Variants in MARCHF7 observed in about 807,000 individuals in gnomAD.
The protein encoded by MARCHF7 is E3 ubiquitin-protein ligase MARCHF7.
In MARCHF7, 20 loss-of-function variants were observed where a neutral mutation model predicts 76.5. The ratio of observed to expected loss-of-function variants is 0.26; its 90% CI spans 0.18 to 0.38. MARCHF7 has a LOEUF of 0.38. Among genes scored for constraint, MARCHF7 ranks in the 10% least tolerant of loss-of-function variants. The pLI, the probability that MARCHF7 is intolerant of heterozygous loss-of-function variation, is 1.00. For missense variants in MARCHF7, 797 were observed against 812.9 expected (o/e 0.98, Z 0.24); for synonymous variants, 295 against 293.0 (o/e 1.01, Z -0.07).
At chr2:159,738,324 G>A (rs1161327374) in intron 4 of MARCHF7, among the ~76,000 whole-genome samples, 1 of 152,188 alleles carries the variant, frequency 6.6e-6, no homozygotes, top group Non-Finnish European at 1.5e-5. Flanking sequence ...TCCCCAAAGG[G>A]TCAGAGCTCT....
intron 8 of MARCHF7, among the ~76,000 whole-genome samples, chr2:159,758,120 GTTGAA>G (rs908762948): frequency 1.3e-5 from 2 of 152,126 alleles, no homozygotes; most frequent in African/African-American, 4.8e-5. Context: ...ACAAATGTTA[GTTGAA>G]TTGAATTTAA....
rs773394385 is a variant in MARCHF7, at chr2:159,745,927, A to G, written c.504A>G (p.Thr168=). 3.6e-5 allele frequency: 58 copies of G among 1,608,470 alleles called. No homozygotes were observed. The highest frequency in any genetic ancestry group is 4.6e-5 in the Non-Finnish European group (54 of 1,177,622). ...MDYSHRSGDF[T]TSSYVQDRVP... is the part of the protein sequence containing the mutation. ...ATAGTCACCGAAGTGGTGATTTCAC[A>G]ACTTCATCATGTATGTATAAATTAC... Residue 168 remains threonine (T), a synonymous_variant, in exon 6 of 12, where the codon ACA becomes ACG. Coordinates refer to ENST00000409175, the MANE Select transcript of MARCHF7 (RefSeq NM_001282805.2).
intron 8 of MARCHF7, among the ~76,000 whole-genome samples, chr2:159,754,130 A>G (rs1560022359): frequency 6.6e-6 from 1 of 152,228 alleles, no homozygotes; most frequent in Non-Finnish European, 1.5e-5. Context: ...ACACGAGAGT[A>G]ATAATGTTTG....
At chr2:159,718,293 G>A (rs912488319) in intron 3 of MARCHF7, among the ~76,000 whole-genome samples, 17 of 152,100 alleles carry the variant, frequency 1.1e-4, no homozygotes, top group African/African-American at 4.1e-4. Context: ...TTCCTGCCTA[G>A]CCTAGCCTCA....
intron 1 of MARCHF7, among the ~76,000 whole-genome samples, chr2:159,712,966 C>T (rs578119577): frequency 6.6e-6 from 1 of 152,220 alleles, no homozygotes; most frequent in Non-Finnish European, 1.5e-5. Flanking sequence ...CGCGGGGCGG[C>T]CTCCTCTTGG....
At chr2:159,754,726 A>G (rs184043255) in intron 8 of MARCHF7, among the ~76,000 whole-genome samples, 15 of 152,242 alleles carry the variant, frequency 9.9e-5, no homozygotes, top group Admixed American at 7.8e-4. Flanking sequence ...GAGAAAGGAT[A>G]TTTCCTCTTC....
At chr2:159,748,954 CTCT>C (rs773993783) in intron 7 of MARCHF7, 51 bp downstream of exon 7, 18 of 1,316,366 alleles carry the variant, frequency 1.4e-5, no homozygotes, top group Admixed American at 1.3e-4. Flanking sequence ...AGAGAAAGAA[CTCT>C]TCATTTCTTT....
At chr2:159,755,383 C>T (rs1209786855) in intron 8 of MARCHF7, among the ~76,000 whole-genome samples, 1 of 152,052 alleles carries the variant, frequency 6.6e-6, no homozygotes, top group Non-Finnish European at 1.5e-5. Context: ...GATGTTGAAA[C>T]AACCAAGGAT....
Position 159,748,537 on chromosome 2 carries a change from A to G in MARCHF7, c.1247A>G (p.Asp416Gly), listed in dbSNP as rs1339358603. The change falls in exon 7 of 12, where the codon GAT becomes GGT. Residue 416 changes from aspartate to glycine, a missense_variant. Asp to Gly is a moderately conservative substitution (Grantham distance 94, BLOSUM62 -1). This residue lies in a region of MARCHF7 where 643 missense variants were observed against 631.5 expected (regional missense o/e 1.02). Coordinates refer to ENST00000409175, the MANE Select transcript of MARCHF7 (RefSeq NM_001282805.2). ...GAATCTTCAAGGATACCTACCTCTG[A>G]TACATCATCTAGATCTCATATTTTT... Reference protein sequence around the residue: ...RDESSRIPTSDTSSRSHIFRR... With the variant: ...RDESSRIPTSGTSSRSHIFRR... 6.2e-7 allele frequency: 1 copy of G among 1,614,090 alleles called. No individual in the cohort carries two copies. The highest frequency in any genetic ancestry group is 1.3e-5 in the African/African-American group (1 of 74,948).
At chr2:159,726,506 C>T (rs920641547) in intron 3 of MARCHF7, among the ~76,000 whole-genome samples, 36 of 150,800 alleles carry the variant, frequency 2.4e-4, no homozygotes, top group African/African-American at 9.0e-4. Context: ...TTGTGATCCG[C>T]CTGCCTCAGC....
chr2:159,743,516 A>G (rs1351521582), intron 5 of MARCHF7, among the ~76,000 whole-genome samples: 1 of 152,224 alleles, frequency 6.6e-6, no homozygotes, highest in African/African-American at 2.4e-5. Flanking sequence ...TCAAATTGGT[A>G]AATGTATGTA....
At chr2:159,760,751 G>GCT (rs749235609) in intron 9 of MARCHF7, among the ~76,000 whole-genome samples, 1 of 146,936 alleles carries the variant, frequency 6.8e-6, no homozygotes, top group Non-Finnish European at 1.5e-5. Flanking sequence ...TTTTTGACTC[G>GCT]CTCTGTCATG....
At chr2:159,752,357 C>A in intron 7 of MARCHF7, 45 bp from the exon 8 acceptor site, 4 of 1,468,524 alleles carry the variant, frequency 2.7e-6, no homozygotes, top group South Asian at 1.5e-5. Flanking sequence ...AGTAACCAAC[C>A]AGGATGAGTT....
At chr2:159,744,278 G>A (rs62173031) in intron 5 of MARCHF7, among the ~76,000 whole-genome samples, 9,700 of 152,114 alleles carry the variant, frequency 0.064, 401 homozygotes, top group Middle Eastern at 0.18. Context: ...GTGAGCCACC[G>A]CGCCCGGCCT....
At position 159,714,614 on chromosome 2, in the gene MARCHF7, A is replaced by T. The variant is rs1008997127; in HGVS notation, c.-101+16A>T. 6.6e-6 allele frequency: 1 copy of T among 152,178 alleles called. No homozygotes were observed. The highest frequency in any genetic ancestry group is 1.5e-5 in the Non-Finnish European group (1 of 68,022). The allele number at this position is 152,178 out of a possible 1,614,324, so 9.4% of individuals were successfully genotyped here. A position where few individuals can be genotyped will look rare whatever the true frequency, so the allele number is the denominator to read the frequency against. On this transcript the variant is annotated intron_variant, in intron 2 of 11. Coordinates refer to ENST00000409175, the MANE Select transcript of MARCHF7 (RefSeq NM_001282805.2). ...ACATTGAATGGTAAGTTAGAGCCCG[A>T]CATAAAAGACTTTCTGTACTGTACT...
In MARCHF7 at chr2:159,753,644, A is replaced by G. The variant is rs142818188; in HGVS notation, c.1783+1073A>G. Reference sequence around the variant, plus strand: ...AATCTTGGATTTAAATATGATGGGAAGCTGCTAAAGAAAAAGGGAATGAAA... The same window carrying G: ...AATCTTGGATTTAAATATGATGGGAGGCTGCTAAAGAAAAAGGGAATGAAA... On this transcript the variant is annotated intron_variant, in intron 8 of 11. Coordinates refer to ENST00000409175, the MANE Select transcript of MARCHF7 (RefSeq NM_001282805.2). Among the ~76,000 whole-genome samples, 112 of 152,280 alleles carry G rather than the reference A, an allele frequency of 7.4e-4. 1 individual carries two copies. The East Asian group carries it at 0.021, about 29-fold the overall frequency.
chr2:159,729,971 C>G (rs1574256181), intron 4 of MARCHF7, among the ~76,000 whole-genome samples: 1 of 152,198 alleles, frequency 6.6e-6, no homozygotes, highest in Admixed American at 6.5e-5. Flanking sequence ...TGCTAAAAGT[C>G]TTTTACATGA....
At chr2:159,750,142 G>T (rs1705449113) in intron 7 of MARCHF7, among the ~76,000 whole-genome samples, 1 of 152,172 alleles carries the variant, frequency 6.6e-6, no homozygotes, top group South Asian at 2.1e-4. Flanking sequence ...CTGGCTTCAA[G>T]CGATCCTCAT....
chr2:159,733,624 G>A (rs899279326), intron 4 of MARCHF7: 1 of 985,080 alleles, frequency 1.0e-6, no homozygotes, highest in African/African-American at 1.8e-5. Context: ...GTTATCTCAG[G>A]CACTTGGTAA....
Sources: gnomAD v4.1 joint callset for allele counts (sites outside exome capture counted in the v4.1 genomes callset) on GRCh38, gnomAD v4.1.1 for gene constraint, gnomAD v4.1.1 regional missense constraint, MANE v1.5 for transcripts, NCBI Gene and HGNC (gene_info 2026-07-23, HGNC 2026-07-21) for gene names.